Variants in STAU1 observed in about 807,000 individuals in gnomAD.
The protein encoded by STAU1 is staufen double-stranded RNA binding protein 1, also known as double-stranded RNA-binding protein Staufen homolog 1.
A neutral mutation model predicts 62.9 loss-of-function variants in STAU1; 13 were observed. The ratio of observed to expected loss-of-function variants is 0.21; its 90% CI spans 0.13 to 0.33. STAU1 has a LOEUF of 0.33. STAU1 is among the 10% of genes least tolerant of loss of function. STAU1 has a pLI of 1.00. For synonymous variants in STAU1, 269 were observed against 265.1 expected, an observed-to-expected ratio of 1.01 and a Z score of -0.14; for missense variants, 571 against 712.1, an observed-to-expected ratio of 0.80 and a Z score of 2.25.
rs1408016952 is a variant in STAU1 at position 49,128,152 on chromosome 20, A to AG, written c.610-3566dup. Among the ~76,000 whole-genome samples the AG allele has an allele frequency of 4.9e-5, 6 of 123,650 alleles. No homozygotes were observed. In the South Asian group the frequency reaches 1.0e-3, roughly 22 times the overall value. 81.1% of individuals were successfully genotyped at this position (123,650 alleles called of 152,430 possible). On this transcript the variant is annotated intron_variant, in intron 6 of 13. Transcript: ENST00000371856. Reference sequence around the variant, plus strand: ...CAACAAGAGCGAAACTCTGTCTCAGAGGAAAAAAAAAAAATACAAAAATTA... The same window carrying AG: ...CAACAAGAGCGAAACTCTGTCTCAGAGGGAAAAAAAAAAAATACAAAAATTA...
chr20:49,151,142 G>A (rs1462117908), intron 5 of STAU1, among the ~76,000 whole-genome samples: 1 of 152,162 alleles, frequency 6.6e-6, no homozygotes, highest in African/African-American at 2.4e-5. Flanking sequence ...GGTCTGTTAT[G>A]AGGCAAAAGG....
chr20:49,177,047 G>A (rs920276759), intron 1 of STAU1, among the ~76,000 whole-genome samples: 1 of 151,962 alleles, frequency 6.6e-6, no homozygotes, highest in African/African-American at 2.4e-5. Context: ...GAGTAGCTGG[G>A]ATTACAGGTG....
intron 5 of STAU1, among the ~76,000 whole-genome samples, chr20:49,140,117 C>T (rs1051326214): frequency 7.3e-5 from 11 of 151,032 alleles, no homozygotes; most frequent in Non-Finnish European, 2.9e-5. Flanking sequence ...ACCCAGGAGG[C>T]GGAGGTTGCA....
chr20:49,140,289 T>C (rs2092980658), intron 5 of STAU1, among the ~76,000 whole-genome samples: 2 of 152,116 alleles, frequency 1.3e-5, no homozygotes, highest in South Asian at 4.1e-4. Context: ...TATTATATGA[T>C]CCAGGAATTC....
At chr20:49,138,503 C>CT (rs1365842570) in intron 5 of STAU1, among the ~76,000 whole-genome samples, 22 of 151,912 alleles carry the variant, frequency 1.4e-4, no homozygotes, top group South Asian at 6.2e-4. Context: ...CCTACACATA[C>CT]TTTTTTTTGT....
At chr20:49,141,599 A>G (rs1480299402) in intron 5 of STAU1, among the ~76,000 whole-genome samples, 1 of 152,176 alleles carries the variant, frequency 6.6e-6, no homozygotes, top group Non-Finnish European at 1.5e-5. Flanking sequence ...TCCATCTCAA[A>G]ACACAAGGCA....
intron 2 of STAU1, among the ~76,000 whole-genome samples, chr20:49,173,724 T>A (rs1046711458): frequency 6.6e-6 from 1 of 152,216 alleles, no homozygotes; most frequent in Non-Finnish European, 1.5e-5. Context: ...TGAACACTCT[T>A]AGAAAACTCC....
At chr20:49,148,869 GGGA>G (rs2093181912) in intron 5 of STAU1, among the ~76,000 whole-genome samples, 1 of 152,222 alleles carries the variant, frequency 6.6e-6, no homozygotes, top group Admixed American at 6.5e-5. Context: ...AGGACTCAAG[GGGA>G]GGAACTGCTG....
chr20:49,124,256 C>T, intron 7 of STAU1, 119 bp downstream of exon 7: 2 of 1,013,588 alleles, frequency 2.0e-6, no homozygotes, highest in Non-Finnish European at 1.5e-6. Flanking sequence ...GTCTGGCAGG[C>T]CTGGGGTGTG....
At chr20:49,161,454 C>T (rs2093446942) in intron 3 of STAU1, among the ~76,000 whole-genome samples, 1 of 152,196 alleles carries the variant, frequency 6.6e-6, no homozygotes, top group African/African-American at 2.4e-5. Context: ...ACAACCTCAT[C>T]AGTTTGAAAA....
the STAU1 span, among the ~76,000 whole-genome samples, chr20:49,219,023 A>C: frequency 6.6e-6 from 1 of 151,520 alleles, no homozygotes; most frequent in Non-Finnish European, 1.5e-5. Flanking sequence ...CAAAAAAAAA[A>C]AAAAAAAAAA....
intron 1 of STAU1, among the ~76,000 whole-genome samples, chr20:49,183,258 T>C (rs768688152): frequency 6.6e-6 from 1 of 152,360 alleles, no homozygotes; most frequent in African/African-American, 2.4e-5. Flanking sequence ...AATCCCATTC[T>C]GAGAGAAAAG....
At chr20:49,174,437 G>A (rs752208309) in intron 1 of STAU1, among the ~76,000 whole-genome samples, 168 bp from the exon 2 acceptor site, 6 of 152,188 alleles carry the variant, frequency 3.9e-5, no homozygotes, top group Admixed American at 3.3e-4. Context: ...AGACACAAGC[G>A]GCCAGACATG....
chr20:49,172,844 G>A (rs1277241515), intron 2 of STAU1, among the ~76,000 whole-genome samples: 5 of 151,464 alleles, frequency 3.3e-5, no homozygotes, highest in Non-Finnish European at 7.4e-5. Context: ...CAATCACTGA[G>A]TCAAAACACT....
At chr20:49,185,005 C>T (rs930223858) in intron 1 of STAU1, among the ~76,000 whole-genome samples, 2 of 152,086 alleles carry the variant, frequency 1.3e-5, no homozygotes, top group Admixed American at 1.3e-4. Flanking sequence ...ATCCTTTAGA[C>T]ACAAGAAAGA....
intron 5 of STAU1, among the ~76,000 whole-genome samples, chr20:49,147,120 T>C (rs2093146794): frequency 6.6e-6 from 1 of 152,238 alleles, no homozygotes; most frequent in African/African-American, 2.4e-5. Flanking sequence ...AGCCGAAATG[T>C]CTCTTCCTCT....
the STAU1 span, among the ~76,000 whole-genome samples, chr20:49,206,595 G>A: frequency 7.1e-6 from 1 of 141,408 alleles, no homozygotes; most frequent in Non-Finnish European, 1.5e-5. Flanking sequence ...CTGTAGCCTC[G>A]ACCTCCTGGG....
chr20:49,126,577 A>AAAAAAAAAAAAAAC (rs1555837188), intron 6 of STAU1, among the ~76,000 whole-genome samples: 6 of 35,040 alleles, frequency 1.7e-4, no homozygotes, highest in African/African-American at 7.2e-4. Context: ...CAAAAAGCAA[A>AAAAAAAAAAAAAAC]AAAAAAAAAA....
At chr20:49,155,060 G>A (rs2093336130) in intron 3 of STAU1, among the ~76,000 whole-genome samples, 1 of 148,534 alleles carries the variant, frequency 6.7e-6, no homozygotes, top group Non-Finnish European at 1.5e-5. Context: ...TACTCCAGAT[G>A]AGGAAACAAG....
Sources: gnomAD v4.1 joint callset for allele counts (sites outside exome capture counted in the v4.1 genomes callset) on GRCh38, gnomAD v4.1.1 for gene constraint, MANE v1.5 for transcripts, NCBI Gene and HGNC (gene_info 2026-07-23, HGNC 2026-07-21) for gene names.